The following BNIP1 variants were observed in gnomAD, a reference collection of about 807,000 sequenced individuals.
BNIP1 encodes vesicle transport protein SEC20.
BNIP1 carries 25 observed loss-of-function variants against 28.5 expected under a neutral mutation model. That is an observed-to-expected ratio of 0.88 (90% CI 0.64 to 1.23). BNIP1 has a LOEUF of 1.23. Among genes scored for constraint, BNIP1 ranks in the 50% most tolerant of loss-of-function variants. The pLI, the probability that BNIP1 is intolerant of heterozygous loss-of-function variation, is 0.00. For synonymous variants in BNIP1, 118 were observed against 101.7 expected (o/e 1.16, Z -0.96); for missense variants, 276 against 277.0 (o/e 1.00, Z 0.02).
chr5:173,147,795 G>A (rs75118949), intron 2 of BNIP1, among the ~76,000 whole-genome samples: 15,034 of 151,504 alleles, frequency 0.099, 1,035 homozygotes, highest in African/African-American at 0.15. Context: ...AAAGAGTTGT[G>A]CACCACTGTA....
chr5:173,160,393 C>T (rs910765520), intron 5 of BNIP1, among the ~76,000 whole-genome samples: 2 of 152,166 alleles, frequency 1.3e-5, no homozygotes, highest in African/African-American at 4.8e-5. Context: ...CACCACCACA[C>T]CCGGCTAATT....
At chr5:173,162,599 A>C (rs1227044954) in intron 5 of BNIP1, among the ~76,000 whole-genome samples, 1 of 152,150 alleles carries the variant, frequency 6.6e-6, no homozygotes, top group Non-Finnish European at 1.5e-5. Flanking sequence ...ACTGCACTCC[A>C]GCCTGGGTGA....
intron 3 of BNIP1, among the ~76,000 whole-genome samples, chr5:173,157,906 C>A (rs1219370972): frequency 6.7e-6 from 1 of 149,218 alleles, no homozygotes; most frequent in African/African-American, 2.5e-5. Flanking sequence ...GAAAGATTGG[C>A]TTTTTGTGTG....
intron 2 of BNIP1, among the ~76,000 whole-genome samples, chr5:173,148,592 C>A (rs1035418707): frequency 6.6e-6 from 1 of 152,060 alleles, no homozygotes; most frequent in East Asian, 1.9e-4. Flanking sequence ...CCTGTGTAGG[C>A]CCTCTCCCTG....
intron 2 of BNIP1, among the ~76,000 whole-genome samples, chr5:173,148,091 T>A (rs1260287587): frequency 0.026 from 617 of 23,562 alleles, 63 homozygotes; most frequent in African/African-American, 0.069. Flanking sequence ...AAAATATATA[T>A]ATATATATAT....
Position 173,163,901 on chromosome 5 carries a change from C to A in BNIP1, c.667C>A (p.Arg223=), listed in dbSNP as rs542484667. Reference sequence around the variant, plus strand: ...TACGGTCCTCTATATTGTGAAAAAGCGGCTCTTTCCATTTTTGTGAGATCC... The same window carrying A: ...TACGGTCCTCTATATTGTGAAAAAGAGGCTCTTTCCATTTTTGTGAGATCC... ...LATVLYIVKK[R]LFPFL Residue 223 remains arginine, a synonymous_variant, in exon 6 of 6, where the codon CGG becomes AGG. Transcript: ENST00000351486. The A allele has an allele frequency of 2.9e-5, 47 of 1,601,602 alleles. No individual in the cohort carries two copies. The highest frequency in any genetic ancestry group is 5.4e-5 in the African/African-American group (4 of 74,218).
chr5:173,161,301 A>C (rs951914889), intron 5 of BNIP1: 1 of 154,400 alleles, frequency 6.5e-6, no homozygotes, highest in Non-Finnish European at 1.4e-5. Flanking sequence ...GCAAAAGGAA[A>C]GCAAGCAGGT....
chr5:173,158,773 T>A lies in BNIP1; in HGVS notation c.299T>A (p.Leu100His). ...SNQASWRKAN[L>H]TCKIAIDNLE... The stretch of plus-strand genomic sequence containing the variant: ...CAGGCCTCATGGAGGAAAGCTAATC[T>A]CACCTGCAAAATTGCAATCGACAAT... The change falls in exon 4 of 6, where the codon CTC becomes CAC. Residue 100 changes from leucine (L) to histidine (H), a missense_variant. Coordinates refer to ENST00000351486, the MANE Select transcript of BNIP1 (RefSeq NM_001205.3). 1.9e-6 allele frequency: 3 copies of A among 1,614,096 alleles called. No homozygotes were observed. Among genetic ancestry groups the A allele is most frequent in the Non-Finnish European group, 2.5e-6 (3 of 1,180,018 alleles).
At chr5:173,163,145 A>G (rs1013966968) in intron 5 of BNIP1, among the ~76,000 whole-genome samples, 7 of 152,130 alleles carry the variant, frequency 4.6e-5, no homozygotes, top group Non-Finnish European at 7.3e-5. Context: ...GTGATTCCTT[A>G]AGGGACGTGG....
chr5:173,160,218 G>C (rs913300012), intron 5 of BNIP1, among the ~76,000 whole-genome samples, 167 bp downstream of exon 5: 1 of 151,046 alleles, frequency 6.6e-6, no homozygotes, highest in Non-Finnish European at 1.5e-5. Flanking sequence ...ATCCAGTGTG[G>C]GATGTGCTGC....
chr5:173,155,094 G>T (rs1760146480), intron 3 of BNIP1, among the ~76,000 whole-genome samples: 4 of 152,092 alleles, frequency 2.6e-5, no homozygotes, highest in Non-Finnish European at 1.5e-5. Flanking sequence ...AATTTAGAAG[G>T]TTTTGAGTGG....
intron 1 of BNIP1, chr5:173,145,003 C>T (rs1193668056): frequency 1.1e-5 from 2 of 181,504 alleles, no homozygotes; most frequent in Non-Finnish European, 1.2e-5. Flanking sequence ...GCTTCAGCAT[C>T]CTCTGGTAGC....
intron 2 of BNIP1, 67 bp from the exon 3 acceptor site, chr5:173,154,255 G>GA: frequency 6.8e-7 from 1 of 1,462,952 alleles, no homozygotes; most frequent in Non-Finnish European, 9.5e-7. Context: ...GGCAGAAATA[G>GA]AAATGCTCTT....
chr5:173,151,707 A>G (rs1025111967), intron 2 of BNIP1: 6 of 1,612,488 alleles, frequency 3.7e-6, no homozygotes, highest in Non-Finnish European at 5.1e-6. Flanking sequence ...GAGTATTTGT[A>G]TGTTCTTTTT....
chr5:173,163,636 G>GTT, intron 5 of BNIP1, 89 bp from the exon 6 acceptor site: 1 of 1,267,976 alleles, frequency 7.9e-7, no homozygotes, highest in Non-Finnish European at 1.1e-6. Context: ...GAGAATGCTG[G>GTT]TTTTTATCAG....
chr5:173,152,619 A>C (rs1760055724), intron 2 of BNIP1, among the ~76,000 whole-genome samples: 1 of 152,170 alleles, frequency 6.6e-6, no homozygotes, highest in African/African-American at 2.4e-5. Flanking sequence ...AAGGTGCTGG[A>C]ATTATAGGCG....
Position 173,145,436 on chromosome 5 carries a change from C to G in BNIP1, c.84+807C>G, listed in dbSNP as rs184533269. ...TGTTTTTTTGAGACGGAGTCTCGCT[C>G]TGTCGCCCAGGCTGGAGTGCAGTGG... On this transcript the variant is annotated intron_variant, in intron 1 of 5. Transcript: ENST00000351486. Among the ~76,000 whole-genome samples, 367 of 152,370 alleles carry G rather than the reference C, an allele frequency of 2.4e-3. 1 individual carries two copies. Among genetic ancestry groups the G allele is most frequent in the African/African-American group, 8.0e-3 (333 of 41,588 alleles).
intron 1 of BNIP1, among the ~76,000 whole-genome samples, chr5:173,145,262 T>G (rs949880706): frequency 6.6e-6 from 1 of 152,112 alleles, no homozygotes. Context: ...TTTGAACAGA[T>G]AGGAAATGAA....
Position 173,164,084 on chromosome 5 carries a change from T to A in BNIP1, c.*163T>A. On this transcript the variant is annotated 3_prime_UTR_variant, in exon 6 of 6. Coordinates refer to ENST00000351486, the MANE Select transcript of BNIP1 (RefSeq NM_001205.3). This position sits in a 1 kb window ranked among gnomAD's most constrained non-coding sequence, Gnocchi z 4.0. Reference sequence around the variant, plus strand: ...CCCCACTTTTCTGCAAGTAGCTGGCTTGTAAAGGGTGAACAGAGCCATGGG... The same window carrying A: ...CCCCACTTTTCTGCAAGTAGCTGGCATGTAAAGGGTGAACAGAGCCATGGG... 1 of 657,850 alleles carries A rather than the reference T, an allele frequency of 1.5e-6. No individual in the cohort carries two copies. The highest frequency in any genetic ancestry group is 2.4e-6 in the Non-Finnish European group (1 of 417,176). The allele number at this position is 657,850 out of a possible 1,614,324, so 40.8% of individuals were successfully genotyped here.
Sources: allele counts gnomAD v4.1 joint callset (sites outside exome capture counted in the v4.1 genomes callset), GRCh38; gene constraint gnomAD v4.1.1; non-coding constraint Gnocchi (gnomAD v3.1); transcripts MANE v1.5; gene names NCBI Gene and HGNC (gene_info 2026-07-23, HGNC 2026-07-21).